The following BCKDHB variants were observed in gnomAD, a reference collection of about 807,000 sequenced individuals.
BCKDHB encodes branched chain keto acid dehydrogenase E1 subunit beta.
A neutral mutation model predicts 48.5 loss-of-function variants in BCKDHB; 41 were observed. The observed-to-expected ratio is 0.85, with a 90% confidence interval of 0.66 to 1.10. The LOEUF (loss-of-function observed/expected upper bound fraction) is 1.10, where lower values mean the gene tolerates loss of function less well. Among genes scored for constraint, BCKDHB ranks in the 50% least tolerant of loss-of-function variants. The pLI is 0.00. For synonymous variants in BCKDHB, 201 were observed against 174.8 expected (o/e 1.15, Z -1.18); for missense variants, 496 against 494.2 (o/e 1.00, Z -0.03).
intron 3 of BCKDHB, among the ~76,000 whole-genome samples, chr6:80,162,318 A>G (rs1404282876): frequency 6.6e-6 from 1 of 152,174 alleles, no homozygotes; most frequent in Non-Finnish European, 1.5e-5. Context: ...CACTGCATAT[A>G]TCCATGTACC....
the BCKDHB span, among the ~76,000 whole-genome samples, chr6:80,418,153 T>G: frequency 6.6e-6 from 1 of 152,248 alleles, no homozygotes; most frequent in Non-Finnish European, 1.5e-5. Context: ...CATTATGAAA[T>G]TCTTGTATTG....
In BCKDHB at chr6:80,307,620, C is replaced by T. The variant is rs1767944622; in HGVS notation, c.1038+34399C>T. 20 of 980,930 alleles carry T rather than the reference C, an allele frequency of 2.0e-5. 1 individual carries two copies. In the South Asian group the frequency reaches 5.2e-4, roughly 25 times the overall value. 60.8% of individuals were successfully genotyped at this position (980,930 alleles called of 1,614,324 possible). ...GATCGTCAACAGAAAAAGTGACAAA[C>T]ATAAAGTATATCTAGCCATTATAGA... On this transcript the variant is annotated intron_variant, in intron 9 of 9. Coordinates refer to ENST00000320393, the MANE Select transcript of BCKDHB (RefSeq NM_183050.4).
chr6:80,375,158 C>A, the BCKDHB span, among the ~76,000 whole-genome samples: 1 of 152,060 alleles, frequency 6.6e-6, no homozygotes, highest in Non-Finnish European at 1.5e-5. Flanking sequence ...ATGAATTTCC[C>A]AGGTGTTCTT....
At chr6:80,167,532 G>A (rs1715397720) in intron 3 of BCKDHB, 146 bp from the exon 4 acceptor site, 4 of 863,274 alleles carry the variant, frequency 4.6e-6, no homozygotes, top group East Asian at 2.7e-5. Flanking sequence ...GTGAGCCACC[G>A]TGGCTAGCCA....
At chr6:80,178,242 C>G (rs868634436) in intron 6 of BCKDHB, among the ~76,000 whole-genome samples, 2 of 152,200 alleles carry the variant, frequency 1.3e-5, no homozygotes, top group Admixed American at 1.3e-4. Context: ...CCAAATTACT[C>G]TTACTCCTTT....
intron 8 of BCKDHB, among the ~76,000 whole-genome samples, chr6:80,266,809 A>T (rs1777533261): frequency 6.6e-6 from 1 of 152,096 alleles, no homozygotes; most frequent in African/African-American, 2.4e-5. Context: ...TTGAAGAGTT[A>T]TTCATGTAAA....
chr6:80,402,157 T>C, the BCKDHB span, among the ~76,000 whole-genome samples: 1 of 151,882 alleles, frequency 6.6e-6, no homozygotes, highest in Non-Finnish European at 1.5e-5. Context: ...CTGAATCATA[T>C]AGTAGTTCTA....
At chr6:80,311,421 G>C (rs1421007972) in intron 9 of BCKDHB, among the ~76,000 whole-genome samples, 1 of 152,134 alleles carries the variant, frequency 6.6e-6, no homozygotes, top group African/African-American at 2.4e-5. Context: ...GGTTCCTTTT[G>C]CTGTGAAGAA....
the BCKDHB span, among the ~76,000 whole-genome samples, chr6:80,386,981 TC>T: frequency 1.0e-3 from 155 of 150,820 alleles, no homozygotes; most frequent in African/African-American, 3.6e-3. Context: ...CTTTCTCCCA[TC>T]CCCCCCCAAG....
At chr6:80,329,808 G>C (rs1040280401) in intron 9 of BCKDHB, among the ~76,000 whole-genome samples, 1 of 152,056 alleles carries the variant, frequency 6.6e-6, no homozygotes, top group Non-Finnish European at 1.5e-5. Context: ...TGAGCATACT[G>C]TGCAACTCAG....
At chr6:80,388,987 G>A in the BCKDHB span, among the ~76,000 whole-genome samples, 1 of 152,144 alleles carries the variant, frequency 6.6e-6, no homozygotes, top group Non-Finnish European at 1.5e-5. Context: ...TTCACTGGCT[G>A]GTCAGGGACT....
chr6:80,154,495 A>G (rs556021366), intron 3 of BCKDHB, among the ~76,000 whole-genome samples: 3 of 152,238 alleles, frequency 2.0e-5, no homozygotes, highest in Admixed American at 2.0e-4. Flanking sequence ...TAAAGATCTT[A>G]TCTAAGTTGT....
At chr6:80,240,445 C>T (rs1321126416) in intron 8 of BCKDHB, among the ~76,000 whole-genome samples, 1 of 152,086 alleles carries the variant, frequency 6.6e-6, no homozygotes, top group Non-Finnish European at 1.5e-5. Flanking sequence ...AATGGGAGTT[C>T]ACTCATGATT....
chr6:80,181,388 TACTCTGACTGTCAGC>T (rs1403028383), intron 6 of BCKDHB, among the ~76,000 whole-genome samples: 6 of 152,194 alleles, frequency 3.9e-5, no homozygotes, highest in Non-Finnish European at 5.9e-5. Context: ...AGGTAACACA[TACTCTGACTGTCAGC>T]CATCGATGCT....
chr6:80,397,397 TTGTGTGTGTGTA>T, the BCKDHB span, among the ~76,000 whole-genome samples: 2 of 152,064 alleles, frequency 1.3e-5, no homozygotes, highest in Admixed American at 6.6e-5. Context: ...TTAAAGGCAA[TTGTGTGTGTGTA>T]TGTGTGTGTG....
At chr6:80,276,144 G>A (rs541537196) in intron 9 of BCKDHB, among the ~76,000 whole-genome samples, 1 of 151,900 alleles carries the variant, frequency 6.6e-6, no homozygotes, top group African/African-American at 2.4e-5. Flanking sequence ...ACAAATGCAA[G>A]TTTTATGTCA....
intron 9 of BCKDHB, among the ~76,000 whole-genome samples, chr6:80,278,613 G>A (rs2127971855): frequency 6.6e-6 from 1 of 152,166 alleles, no homozygotes; most frequent in African/African-American, 2.4e-5. Flanking sequence ...AGGCTGGAGT[G>A]CAGTGGCGCA....
chr6:80,405,191 A>G, the BCKDHB span, among the ~76,000 whole-genome samples: 1 of 152,040 alleles, frequency 6.6e-6, no homozygotes, highest in Non-Finnish European at 1.5e-5. Context: ...AGTTTGGTTA[A>G]TATTTACTTT....
At chr6:80,249,245 A>G (rs1776740478) in intron 8 of BCKDHB, among the ~76,000 whole-genome samples, 1 of 151,948 alleles carries the variant, frequency 6.6e-6, no homozygotes, top group African/African-American at 2.4e-5. Context: ...TGGGCTAGAT[A>G]ATGCCACCTG....
Sources: allele counts gnomAD v4.1 joint callset (sites outside exome capture counted in the v4.1 genomes callset), GRCh38; gene constraint gnomAD v4.1.1; transcripts MANE v1.5; gene names NCBI Gene and HGNC (gene_info 2026-07-23, HGNC 2026-07-21).